UBXN7: variants seen among roughly 807,000 people sequenced by gnomAD.
The protein encoded by UBXN7 is UBX domain protein 7, also known as UBX domain-containing protein 7.
In UBXN7, 9 loss-of-function variants were observed where a neutral mutation model predicts 58.0. The ratio of observed to expected loss-of-function variants is 0.16; its 90% confidence interval spans 0.09 to 0.27. UBXN7 has a LOEUF of 0.27. Among genes scored for constraint, UBXN7 ranks in the 10% least tolerant of loss-of-function variants. The pLI is 1.00. For synonymous variants in UBXN7, 208 were observed against 205.0 expected (o/e 1.01, Z -0.12); for missense variants, 328 against 599.6 (o/e 0.55, Z 4.73).
chr3:196,401,814 A>AG (rs1491528538), intron 3 of UBXN7, among the ~76,000 whole-genome samples: 38 of 135,314 alleles, frequency 2.8e-4, no homozygotes, highest in African/African-American at 9.4e-4. Flanking sequence ...GAAAGAAAAG[A>AG]AAAGAGAAGA....
intron 1 of UBXN7, among the ~76,000 whole-genome samples, chr3:196,430,899 A>C (rs539111255): frequency 6.6e-6 from 1 of 152,246 alleles, no homozygotes; most frequent in South Asian, 2.1e-4. Context: ...TTATATCTTC[A>C]ATAATCCAAT....
intron 5 of UBXN7, among the ~76,000 whole-genome samples, chr3:196,376,871 C>A (rs1445964072): frequency 6.6e-6 from 1 of 151,512 alleles, no homozygotes; most frequent in Non-Finnish European, 1.5e-5. Context: ...CGTGGCAAAA[C>A]CTCATCTCTA....
chr3:196,417,126 A>C (rs956886668), intron 1 of UBXN7, among the ~76,000 whole-genome samples: 5 of 152,140 alleles, frequency 3.3e-5, no homozygotes, highest in Non-Finnish European at 7.3e-5. Flanking sequence ...ATCCTGGCTA[A>C]CACGGTGAAA....
chr3:196,428,583 T>C (rs1373769720), intron 1 of UBXN7, among the ~76,000 whole-genome samples: 2 of 152,080 alleles, frequency 1.3e-5, no homozygotes, highest in African/African-American at 2.4e-5. Context: ...GGAGAATTAG[T>C]TCTTTTCCCT....
chr3:196,374,962 A>G, intron 5 of UBXN7, among the ~76,000 whole-genome samples: 1 of 36,818 alleles, frequency 2.7e-5, no homozygotes, highest in Non-Finnish European at 5.0e-5. Flanking sequence ...AAGAAAGAAA[A>G]AAAGGAAGGA....
chr3:196,402,927 G>C lies in UBXN7; in HGVS notation c.289+25C>G, dbSNP rs764571482. The C allele has an allele frequency of 2.5e-6, 4 of 1,585,620 alleles. No individual in the cohort carries two copies. The Admixed American group carries it at 6.0e-5, about 24-fold the overall frequency. On this transcript the variant is annotated intron_variant, in intron 3 of 10. Transcript: ENST00000296328. ...AATCCTAAAGAACAAAATCAAATAAGGCTAAGGGAAAAAAGTGAACTTACC... is the reference window on the plus strand; with the variant it reads ...AATCCTAAAGAACAAAATCAAATAACGCTAAGGGAAAAAAGTGAACTTACC...
chr3:196,412,741 C>T (rs1730370678), intron 1 of UBXN7, among the ~76,000 whole-genome samples: 1 of 152,112 alleles, frequency 6.6e-6, no homozygotes, highest in African/African-American at 2.4e-5. Flanking sequence ...CTCATGGAGC[C>T]TTGAAAAAGA....
chr3:196,355,571 T>C lies in UBXN7; in HGVS notation c.*1114A>G, dbSNP rs1728321585. The stretch of plus-strand genomic sequence containing the variant: ...TGATACCTTTTGAAAGAAAACAGCA[T>C]GCGGACTCATGTTCAATTCAGTCAC... On this transcript the variant is annotated 3_prime_UTR_variant, in exon 11 of 11. Coordinates refer to ENST00000296328, the MANE Select transcript of UBXN7 (RefSeq NM_015562.2). 2 of 152,208 alleles carry C rather than the reference T, an allele frequency of 1.3e-5. No individual in the cohort carries two copies. Among genetic ancestry groups the C allele is most frequent in the South Asian group, 4.1e-4 (2 of 4,832 alleles). 9.4% of individuals were successfully genotyped at this position (152,208 alleles called of 1,614,324 possible).
chr3:196,424,703 C>CTT (rs36110858), intron 1 of UBXN7, among the ~76,000 whole-genome samples: 18 of 105,236 alleles, frequency 1.7e-4, no homozygotes, highest in Non-Finnish European at 1.5e-4. Flanking sequence ...TTTTTATAAC[C>CTT]TTTTTTTTTT....
chr3:196,427,040 A>G (rs1301501225), intron 1 of UBXN7, among the ~76,000 whole-genome samples: 2 of 152,162 alleles, frequency 1.3e-5, no homozygotes, highest in African/African-American at 2.4e-5. Context: ...GAATTTCCGT[A>G]CCAGTAACCT....
chr3:196,352,274 G>C lies in UBXN7; in HGVS notation c.*4411C>G, dbSNP rs901084565. 5 of 152,284 alleles carry C rather than the reference G, an allele frequency of 3.3e-5. No homozygotes were observed. Among genetic ancestry groups the C allele is most frequent in the Middle Eastern group, 3.4e-3 (1 of 294 alleles). 9.4% of individuals were successfully genotyped at this position (152,284 alleles called of 1,614,324 possible). ...CTTATTTATTATTTTTTGAGACAGA[G>C]TCTCGCTCCATTGCCCAGGATGGAG... On this transcript the variant is annotated 3_prime_UTR_variant, in exon 11 of 11. Transcript: ENST00000296328. This position sits in a 1 kb window ranked among gnomAD's most constrained non-coding sequence, Gnocchi z 4.1.
At chr3:196,393,684 C>T (rs1342328478) in intron 3 of UBXN7, 65 bp from the exon 4 acceptor site, 7 of 1,487,368 alleles carry the variant, frequency 4.7e-6, no homozygotes, top group Admixed American at 1.9e-5. Context: ...CTAAAAATGT[C>T]CTTATCTAAA....
intron 2 of UBXN7, among the ~76,000 whole-genome samples, chr3:196,406,173 C>A (rs1730155452): frequency 6.6e-6 from 1 of 151,974 alleles, no homozygotes; most frequent in South Asian, 2.1e-4. Context: ...GCTGGGACTA[C>A]AGTCGCGTAC....
At chr3:196,364,803 C>T (rs1392868686) in intron 8 of UBXN7, among the ~76,000 whole-genome samples, 3 of 151,436 alleles carry the variant, frequency 2.0e-5, no homozygotes, top group Non-Finnish European at 4.4e-5. Flanking sequence ...CTCAAGCAAT[C>T]CTCCCACCTC....
chr3:196,383,008 C>T (rs1179585719), intron 5 of UBXN7, among the ~76,000 whole-genome samples: 1 of 151,430 alleles, frequency 6.6e-6, no homozygotes, highest in Non-Finnish European at 1.5e-5. Context: ...CCCAGCTACT[C>T]GAGAGGCTGA....
chr3:196,395,980 G>A (rs1021006786), intron 3 of UBXN7, among the ~76,000 whole-genome samples: 5 of 151,922 alleles, frequency 3.3e-5, no homozygotes, highest in Non-Finnish European at 7.4e-5. Flanking sequence ...TGGCCAGGCT[G>A]GTCTCAAACT....
At chr3:196,363,441 G>A (rs1166437507) in intron 8 of UBXN7, among the ~76,000 whole-genome samples, 2 of 151,308 alleles carry the variant, frequency 1.3e-5, no homozygotes, top group African/African-American at 2.4e-5. Context: ...TGGATCAAGA[G>A]GTCAAAAGAT....
intron 5 of UBXN7, among the ~76,000 whole-genome samples, chr3:196,390,282 G>A (rs1729541449): frequency 6.6e-6 from 1 of 151,958 alleles, no homozygotes; most frequent in Non-Finnish European, 1.5e-5. Flanking sequence ...CTGGAGTGCA[G>A]TGGTTTTCAT....
rs570162608 is a variant in UBXN7, at chr3:196,371,956, G to A, written c.555C>T (p.Arg185=). 527 of 1,613,754 alleles carry A rather than the reference G, an allele frequency of 3.3e-4. No individual in the cohort carries two copies. Among genetic ancestry groups the A allele is most frequent in the Admixed American group, 1.0e-3 (62 of 59,900 alleles). Residue 185 remains arginine, a synonymous_variant, in exon 6 of 11, where the codon CGC becomes CGT. Transcript: ENST00000296328. ...TCACAGCTTCGTTGCTCCACACATC[G>A]CGGTTGAGGCACTGACATGCAAAGT... ...VQDFACQCLN[R]DVWSNEAVKN...
Sources: allele counts gnomAD v4.1 joint callset (sites outside exome capture counted in the v4.1 genomes callset), GRCh38; gene constraint gnomAD v4.1.1; non-coding constraint Gnocchi (gnomAD v3.1); transcripts MANE v1.5; gene names NCBI Gene and HGNC (gene_info 2026-07-23, HGNC 2026-07-21).